FUBP1: variants seen among roughly 807,000 people sequenced by gnomAD.
FUBP1 encodes far upstream element binding protein 1.
Under a neutral mutation model 94.9 loss-of-function variants are expected in FUBP1, and 16 were observed. The observed-to-expected ratio is 0.17, with a 90% CI of 0.11 to 0.26. FUBP1 has a LOEUF of 0.26. FUBP1 is among the 10% of genes least tolerant of loss of function. FUBP1 has a pLI of 1.00. For synonymous variants in FUBP1, 279 were observed against 254.9 expected (o/e 1.09, Z -0.90); for missense variants, 583 against 808.6 (o/e 0.72, Z 3.38).
intron 16 of FUBP1, among the ~76,000 whole-genome samples, chr1:77,957,876 A>C (rs1654765241): frequency 6.7e-6 from 1 of 149,564 alleles, no homozygotes; most frequent in South Asian, 2.1e-4. Context: ...GCTGGAGGGC[A>C]GTGGAGCAAT....
At chr1:77,949,050 T>C (rs1431028813) in intron 19 of FUBP1, 105 bp downstream of exon 19, 2 of 1,111,760 alleles carry the variant, frequency 1.8e-6, no homozygotes, top group African/African-American at 1.6e-5. Context: ...TTATTATACT[T>C]TGCCAGATAA....
At position 77,963,594 on chromosome 1, in the gene FUBP1, G is replaced by A; in HGVS notation, c.1163C>T (p.Thr388Ile). 1 of 1,586,304 alleles carries A rather than the reference G, an allele frequency of 6.3e-7. No individual in the cohort carries two copies. Among genetic ancestry groups the A allele is most frequent in the Non-Finnish European group, 8.7e-7 (1 of 1,155,078 alleles). The change falls in exon 13 of 20, where the codon ACT becomes ATT. Residue 388 changes from threonine to isoleucine, a missense_variant. By Grantham distance (89) the Thr-to-Ile change is moderately conservative. Transcript: ENST00000370768. ...EFNFIVPTGK[T>I]GLIIGKGGET... ...ATTGCCTTTTCCTATTATTAATCCAGTTTTCCCAGTTGGCACAATAAAATT... is the reference window on the plus strand; with the variant it reads ...ATTGCCTTTTCCTATTATTAATCCAATTTTCCCAGTTGGCACAATAAAATT...
chr1:77,944,306 G>A lies in FUBP1; in HGVS notation c.*4460C>T, dbSNP rs1430175403. Reference sequence around the variant, plus strand: ...ATTTTTCTCAGGACGAAAATGCATCGAGCATGCATAAGAAAATATATATAT... The same window carrying A: ...ATTTTTCTCAGGACGAAAATGCATCAAGCATGCATAAGAAAATATATATAT... On this transcript the variant is annotated 3_prime_UTR_variant, in exon 20 of 20. Coordinates refer to ENST00000370768, the MANE Select transcript of FUBP1 (RefSeq NM_003902.5). 6 of 197,792 alleles carry A rather than the reference G, an allele frequency of 3.0e-5. No individual in the cohort carries two copies. The highest frequency in any genetic ancestry group is 2.3e-4 in the East Asian group (3 of 12,908). 12.3% of individuals were successfully genotyped at this position (197,792 alleles called of 1,614,324 possible).
In FUBP1 at chr1:77,956,653, C is replaced by G. The variant is rs1244295456; in HGVS notation, c.1624G>C (p.Ala542Pro). ...TGTGCTTGCTGTTGATAATAGTGAG[C>G]GTAATAAGCAGCCCAAGCTGCTGAA... ...PNSAAWAAYY[A>P]HYYQQQAQPP... The change falls in exon 17 of 20, where the codon GCT becomes CCT. Residue 542 changes from alanine to proline, a missense_variant. By Grantham distance (27) the Ala-to-Pro change is conservative. Coordinates refer to ENST00000370768, the MANE Select transcript of FUBP1 (RefSeq NM_003902.5). 6.2e-7 allele frequency: 1 copy of G among 1,610,622 alleles called. No individual in the cohort carries two copies. Among genetic ancestry groups the G allele is most frequent in the Non-Finnish European group, 8.5e-7 (1 of 1,177,036 alleles).
At chr1:77,961,619 G>C (rs1297595967) in intron 14 of FUBP1, among the ~76,000 whole-genome samples, 1 of 152,162 alleles carries the variant, frequency 6.6e-6, no homozygotes, top group African/African-American at 2.4e-5. Context: ...CACAGAACCA[G>C]TAAATGATTC....
At chr1:77,955,350 C>CA in intron 17 of FUBP1, 21 bp from the exon 18 acceptor site, 2 of 1,492,936 alleles carry the variant, frequency 1.3e-6, no homozygotes, top group Non-Finnish European at 1.9e-6. Flanking sequence ...CAAAACAAAA[C>CA]AAAAAACAGA....
rs1273248207 is a variant in FUBP1 at position 77,948,518 on chromosome 1, T to G, written c.*248A>C. On this transcript the variant is annotated 3_prime_UTR_variant, in exon 20 of 20. Coordinates refer to ENST00000370768, the MANE Select transcript of FUBP1 (RefSeq NM_003902.5). ...ATCAACCACATAATTGCAAATACATTTGCTGGAATGTGTACATCTACACTA... is the reference window on the plus strand; with the variant it reads ...ATCAACCACATAATTGCAAATACATGTGCTGGAATGTGTACATCTACACTA... 8.1e-7 allele frequency: 1 copy of G among 1,238,468 alleles called. No homozygotes were observed. The highest frequency in any genetic ancestry group is 1.6e-5 in the African/African-American group (1 of 63,832). The allele number at this position is 1,238,468 out of a possible 1,614,324, so 76.7% of individuals were successfully genotyped here. A position where few individuals can be genotyped will look rare whatever the true frequency, so the allele number is the denominator to read the frequency against.
chr1:77,950,333 C>CT (rs1328165196), intron 18 of FUBP1, among the ~76,000 whole-genome samples: 5 of 152,036 alleles, frequency 3.3e-5, no homozygotes, highest in African/African-American at 4.8e-5. Flanking sequence ...ACATTTTTCT[C>CT]TTTTTTTGTA....
At chr1:77,974,455 A>AACAGGGTTTCACC (rs1557478425) in intron 1 of FUBP1, among the ~76,000 whole-genome samples, 1 of 151,914 alleles carries the variant, frequency 6.6e-6, no homozygotes, top group East Asian at 1.9e-4. Flanking sequence ...TTTTTATAGA[A>AACAGGGTTTCACC]ACAGGGTTTC....
intron 1 of FUBP1, among the ~76,000 whole-genome samples, chr1:77,975,092 A>C (rs555440886): frequency 6.6e-6 from 1 of 152,340 alleles, no homozygotes; most frequent in African/African-American, 2.4e-5. Context: ...GTATTGCTGG[A>C]CTGTTCTTCC....
chr1:77,968,567 G>A (rs1438227162), intron 2 of FUBP1, among the ~76,000 whole-genome samples: 4 of 151,470 alleles, frequency 2.6e-5, no homozygotes, highest in Non-Finnish European at 4.4e-5. Context: ...CTGAAGACTG[G>A]GGGGAGAAAA....
upstream of FUBP1, chr1:77,979,121 C>CCGCA: frequency 9.4e-7 from 1 of 1,058,990 alleles, no homozygotes. Flanking sequence ...GACCATCGTG[C>CCGCA]CGTAAAGGGG....
At position 77,946,646 on chromosome 1, in the gene FUBP1, A is replaced by G. The variant is rs1652214405; in HGVS notation, c.*2120T>C. On this transcript the variant is annotated 3_prime_UTR_variant, in exon 20 of 20. Transcript: ENST00000370768. Reference sequence around the variant, plus strand: ...TTAAACCTTAAATGAATCAAAATCAACAGCCTCCAATTTGTGAATTATGAT... The same window carrying G: ...TTAAACCTTAAATGAATCAAAATCAGCAGCCTCCAATTTGTGAATTATGAT... 1 of 205,644 alleles carries G rather than the reference A, an allele frequency of 4.9e-6. No individual in the cohort carries two copies. Among genetic ancestry groups the G allele is most frequent in the Admixed American group, 6.0e-5 (1 of 16,776 alleles). 12.7% of individuals were successfully genotyped at this position (205,644 alleles called of 1,614,324 possible).
In FUBP1 at chr1:77,944,458, G is replaced by A. The variant is rs967932643; in HGVS notation, c.*4308C>T. ...CCCTCAAAAGCTTATATTGTGGCAA[G>A]AAAAATGAAGTCACTAACTCAACAA... is the stretch of plus-strand genomic sequence containing the variant. On this transcript the variant is annotated 3_prime_UTR_variant, in exon 20 of 20. Transcript: ENST00000370768. 2.6e-5 allele frequency among the ~76,000 whole-genome samples: 4 copies of A among 151,732 alleles called. No homozygotes were observed. The highest frequency in any genetic ancestry group is 4.4e-5 in the Non-Finnish European group (3 of 67,800).
Position 77,978,942 on chromosome 1 carries a change from G to GCCGCCACCA in FUBP1, c.54_62dup (p.Gly24_Gly26dup), listed in dbSNP as rs747496877. On this transcript the variant is annotated inframe_insertion, in exon 1 of 20. Coordinates refer to ENST00000370768, the MANE Select transcript of FUBP1 (RefSeq NM_003902.5). ...CGTCGTTAACTCCTCCACCACCACC[G>GCCGCCACCA]CCGCCACCACCGCCACCAGCTGAGC... The GCCGCCACCA allele has an allele frequency of 6.3e-7, 1 of 1,598,918 alleles. No homozygotes were observed. Among genetic ancestry groups the GCCGCCACCA allele is most frequent in the Admixed American group, 1.7e-5 (1 of 59,916 alleles).
Position 77,963,559 on chromosome 1 carries a change from T to C in FUBP1, c.1183+15A>G. The C allele has an allele frequency of 6.7e-7, 1 of 1,488,968 alleles. No homozygotes were observed. The highest frequency in any genetic ancestry group is 9.3e-7 in the Non-Finnish European group (1 of 1,069,770). The allele number at this position is 1,488,968 out of a possible 1,614,324, so 92.2% of individuals were successfully genotyped here. On this transcript the variant is annotated intron_variant, in intron 13 of 19. Coordinates refer to ENST00000370768, the MANE Select transcript of FUBP1 (RefSeq NM_003902.5). ...GAATAATGTGTTAAAACATTAAGAGTTTAAAATACATTGCCTTTTCCTATT... is the reference window on the plus strand; with the variant it reads ...GAATAATGTGTTAAAACATTAAGAGCTTAAAATACATTGCCTTTTCCTATT...
At chr1:77,955,721 T>C (rs1654328969) in intron 17 of FUBP1, among the ~76,000 whole-genome samples, 1 of 152,148 alleles carries the variant, frequency 6.6e-6, no homozygotes, top group Non-Finnish European at 1.5e-5. Flanking sequence ...CATATATCGA[T>C]GTTTATGTGT....
rs1654545496 is a variant in FUBP1 at position 77,956,774 on chromosome 1, CCG to C, written c.1577-76_1577-75del. On this transcript the variant is annotated intron_variant, in intron 16 of 19. Transcript: ENST00000370768. Reference sequence around the variant, plus strand: ...TCTCACACACACACACACCACCCCCCCGCCCAGCTCTCTGGCAAATATACAGC... The same window carrying C: ...TCTCACACACACACACACCACCCCCCCCCAGCTCTCTGGCAAATATACAGC... The C allele has an allele frequency of 1.7e-5, 18 of 1,065,772 alleles. No individual in the cohort carries two copies. In the South Asian group the frequency reaches 2.9e-4, roughly 17 times the overall value. 66.0% of individuals were successfully genotyped at this position (1,065,772 alleles called of 1,614,324 possible).
At position 77,978,692 on chromosome 1, in the gene FUBP1, T is replaced by C. The variant is rs141029882; in HGVS notation, c.120+193A>G. Among the ~76,000 whole-genome samples, 119 of 152,292 alleles carry C rather than the reference T, an allele frequency of 7.8e-4. 2 individuals are homozygous for C. In the East Asian group the frequency reaches 0.021, roughly 26 times the overall value. On this transcript the variant is annotated intron_variant, in intron 1 of 19. Transcript: ENST00000370768. ...AGCACGCGTCGGGGTTCTAAGTGGA[T>C]TAGGCACCAAGAACACAAAACTGGG...
Sources: allele counts gnomAD v4.1 joint callset (sites outside exome capture counted in the v4.1 genomes callset), GRCh38; gene constraint gnomAD v4.1.1; transcripts MANE v1.5; gene names NCBI Gene and HGNC (gene_info 2026-07-23, HGNC 2026-07-21).